Variants in LAMP1 observed in about 807,000 individuals in gnomAD.
LAMP1 encodes the protein lysosome-associated membrane glycoprotein 1.
A neutral mutation model predicts 37.5 loss-of-function variants in LAMP1; 7 were observed. The observed-to-expected ratio is 0.19, with a 90% CI of 0.11 to 0.35. The LOEUF (loss-of-function observed/expected upper bound fraction) is 0.35. Ranked by LOEUF, LAMP1 falls within the 10% of genes least tolerant of loss-of-function variation. The probability of loss-of-function intolerance (pLI) is 1.00; values close to 1 mark genes in which losing one functional copy is unlikely to be tolerated. For missense variants in LAMP1, 537 were observed against 552.8 expected (o/e 0.97, Z 0.29); for synonymous variants, 236 against 229.1 (o/e 1.03, Z -0.27).
chr13:113,323,246 TTTTTA>T lies in LAMP1; in HGVS notation c.*829_*833del, dbSNP rs2042716903. On this transcript the variant is annotated 3_prime_UTR_variant, in exon 9 of 9. Transcript: ENST00000332556. Reference sequence around the variant, plus strand: ...AATATAAAAATGGGTGTTATTTTTATTTTTATTTGTAAAGTGATTTTTGGTCTTCT... The same window carrying T: ...AATATAAAAATGGGTGTTATTTTTATTTTGTAAAGTGATTTTTGGTCTTCT... The T allele has an allele frequency of 7.3e-5, 10 of 136,558 alleles. No individual in the cohort carries two copies. The highest frequency in any genetic ancestry group is 7.2e-4 in the Admixed American group (10 of 13,892). The allele number at this position is 136,558 out of a possible 1,614,324, so 8.5% of individuals were successfully genotyped here. A position where few individuals can be genotyped will look rare whatever the true frequency, so the allele number is the denominator to read the frequency against.
chr13:113,321,341 T>A lies in LAMP1; in HGVS notation c.877-63T>A. 7.8e-7 allele frequency: 1 copy of A among 1,281,274 alleles called. No homozygotes were observed. Among genetic ancestry groups the A allele is most frequent in the Admixed American group, 1.7e-5 (1 of 59,534 alleles). The allele number at this position is 1,281,274 out of a possible 1,614,324, so 79.4% of individuals were successfully genotyped here. A position where few individuals can be genotyped will look rare whatever the true frequency, so the allele number is the denominator to read the frequency against. The stretch of plus-strand genomic sequence containing the variant: ...TTTGATGATAAATGTGTGAATCTAC[T>A]GGGGTTAAAGATCATCTTTCTATGA... On this transcript the variant is annotated intron_variant, in intron 6 of 8. Coordinates refer to ENST00000332556, the MANE Select transcript of LAMP1 (RefSeq NM_005561.4). The surrounding 1 kb of genome is among the most constrained non-coding windows in gnomAD (Gnocchi z 5.6).
At chr13:113,304,951 C>A (rs1284156495) in intron 1 of LAMP1, 1 of 152,166 alleles carries the variant, frequency 6.6e-6, no homozygotes, top group African/African-American at 2.4e-5. Flanking sequence ...AGCCACTGTG[C>A]CCGGCAGCAC....
At chr13:113,311,879 C>T (rs2042632530) in intron 4 of LAMP1, among the ~76,000 whole-genome samples, 1 of 152,222 alleles carries the variant, frequency 6.6e-6, no homozygotes, top group Non-Finnish European at 1.5e-5. Context: ...CCGAGCCTCA[C>T]AGTCCAGGTC....
At chr13:113,322,168 T>C (rs1030705104) in intron 8 of LAMP1, 114 bp from the exon 9 acceptor site, 1 of 1,239,250 alleles carries the variant, frequency 8.1e-7, no homozygotes, top group Non-Finnish European at 1.1e-6. Flanking sequence ...GCTGGAACCT[T>C]CCGCCAGGGT....
rs2042690896 is a variant in LAMP1, at chr13:113,320,321, G to T, written c.751-24G>T. The T allele has an allele frequency of 1.2e-6, 2 of 1,613,746 alleles. No homozygotes were observed. Among genetic ancestry groups the T allele is most frequent in the South Asian group, 2.2e-5 (2 of 91,060 alleles). On this transcript the variant is annotated intron_variant, in intron 5 of 8. Transcript: ENST00000332556. This position sits in a 1 kb window ranked among gnomAD's most constrained non-coding sequence, Gnocchi z 4.4. ...TGTGGAGGACCTGAGCTAGGGTGGT[G>T]ACTTGCTTGCTTGTCTTATGCAGAC...
intron 1 of LAMP1, among the ~76,000 whole-genome samples, chr13:113,303,875 A>T (rs1476149444): frequency 1.3e-5 from 2 of 152,188 alleles, no homozygotes; most frequent in African/African-American, 2.4e-5. Context: ...GAGGAGTTGG[A>T]GACCAGCCTG....
intron 4 of LAMP1, among the ~76,000 whole-genome samples, chr13:113,311,133 G>T (rs943197039): frequency 6.6e-6 from 1 of 152,152 alleles, no homozygotes; most frequent in African/African-American, 2.4e-5. Context: ...GTGGTCTCCC[G>T]TGGGAGCTAA....
intron 1 of LAMP1, chr13:113,305,974 G>A (rs1201676422): frequency 6.5e-6 from 1 of 153,400 alleles, no homozygotes; most frequent in Non-Finnish European, 1.5e-5. Flanking sequence ...TGGGCTTAGA[G>A]ATAACAATTC....
chr13:113,322,702 G>T lies in LAMP1; in HGVS notation c.*281G>T, dbSNP rs1167853490. 8.2e-5 allele frequency: 10 copies of T among 121,906 alleles called. No individual in the cohort carries two copies. The highest frequency in any genetic ancestry group is 3.4e-4 in the Admixed American group (4 of 11,708). The allele number at this position is 121,906 out of a possible 1,614,324, so 7.6% of individuals were successfully genotyped here. A position where few individuals can be genotyped will look rare whatever the true frequency, so the allele number is the denominator to read the frequency against. ...GGGTGCTCTCTCTGAGGGGGTGGGG[G>T]TGCCGCTGTCTCTGAGGGGTGGGGG... is the stretch of plus-strand genomic sequence containing the variant. On this transcript the variant is annotated 3_prime_UTR_variant, in exon 9 of 9. Transcript: ENST00000332556.
In LAMP1 at chr13:113,321,121, G is replaced by A. The variant is rs940257142; in HGVS notation, c.877-283G>A. 2.8e-5 allele frequency: 11 copies of A among 396,940 alleles called. No individual in the cohort carries two copies. The highest frequency in any genetic ancestry group is 7.7e-5 in the Admixed American group (2 of 26,118). The allele number at this position is 396,940 out of a possible 1,614,324, so 24.6% of individuals were successfully genotyped here. A position where few individuals can be genotyped will look rare whatever the true frequency, so the allele number is the denominator to read the frequency against. On this transcript the variant is annotated intron_variant, in intron 6 of 8. Transcript: ENST00000332556. The surrounding 1 kb of genome is among the most constrained non-coding windows in gnomAD (Gnocchi z 5.6). ...ACTTGAGCCCAGGAGTTAAGGTTGC[G>A]ATGAGCCGTGATCACTCCACTGCAC...
intron 4 of LAMP1, among the ~76,000 whole-genome samples, chr13:113,314,293 T>G (rs1379915686): frequency 4.3e-5 from 3 of 69,550 alleles, no homozygotes; most frequent in Non-Finnish European, 5.5e-5. Flanking sequence ...TGTGGAGATG[T>G]CGGTGTGCCT....
rs1475319537 is a variant in LAMP1, at chr13:113,322,399, A to C, written c.1232A>C (p.His411Pro). Reference protein sequence around the residue: ...IAYLVGRKRSHAGYQTI With the variant: ...IAYLVGRKRSPAGYQTI ...TACCTCGTCGGCAGGAAGAGGAGTC[A>C]CGCAGGCTACCAGACTATCTAGCCT... The change falls in exon 9 of 9, where the codon CAC (histidine) becomes CCC (proline). Residue 411 changes from histidine to proline, a missense_variant. By Grantham distance (77) the His-to-Pro change is moderately conservative (BLOSUM62 -2). Coordinates refer to ENST00000332556, the MANE Select transcript of LAMP1 (RefSeq NM_005561.4). 3.7e-6 allele frequency: 6 copies of C among 1,613,556 alleles called. No homozygotes were observed. Among genetic ancestry groups the C allele is most frequent in the Non-Finnish European group, 5.1e-6 (6 of 1,179,702 alleles).
In LAMP1 at chr13:113,321,991, C is replaced by A. The variant is rs1400956508; in HGVS notation, c.1114+264C>A. Reference sequence around the variant, plus strand: ...ACAGTGGTGGCGCTTCTCCCATGAACGTTGAATACAACACTGTCATCTGAT... The same window carrying A: ...ACAGTGGTGGCGCTTCTCCCATGAAAGTTGAATACAACACTGTCATCTGAT... On this transcript the variant is annotated intron_variant, in intron 8 of 8. Transcript: ENST00000332556. This position sits in a 1 kb window ranked among gnomAD's most constrained non-coding sequence, Gnocchi z 5.6. 3 of 587,478 alleles carry A rather than the reference C, an allele frequency of 5.1e-6. No individual in the cohort carries two copies. Among genetic ancestry groups the A allele is most frequent in the East Asian group, 5.7e-5 (2 of 35,164 alleles). The allele number at this position is 587,478 out of a possible 1,614,324, so 36.4% of individuals were successfully genotyped here.
intron 1 of LAMP1, among the ~76,000 whole-genome samples, chr13:113,301,340 G>T (rs1485059820): frequency 6.6e-6 from 1 of 151,958 alleles, no homozygotes; most frequent in African/African-American, 2.4e-5. Flanking sequence ...GAAATATACG[G>T]CCGGGCACGG....
chr13:113,301,554 C>T (rs767829924), intron 1 of LAMP1, among the ~76,000 whole-genome samples: 28 of 148,474 alleles, frequency 1.9e-4, no homozygotes, highest in South Asian at 4.3e-4. Flanking sequence ...GCCCGGGAGG[C>T]GGAGGTTGCA....
At chr13:113,298,734 G>GTAGT (rs1872481551) in intron 1 of LAMP1, among the ~76,000 whole-genome samples, 2 of 152,262 alleles carry the variant, frequency 1.3e-5, no homozygotes, top group African/African-American at 4.8e-5. Flanking sequence ...AGGGTCAGGT[G>GTAGT]TAGTTAATGA....
intron 4 of LAMP1, among the ~76,000 whole-genome samples, chr13:113,312,538 G>A (rs1283895532): frequency 6.6e-6 from 1 of 152,232 alleles, no homozygotes; most frequent in African/African-American, 2.4e-5. Flanking sequence ...AACCCCGGGT[G>A]TGACTGGGAC....
Position 113,320,387 on chromosome 13 carries a change from G to T in LAMP1, c.793G>T (p.Ala265Ser). The T allele has an allele frequency of 6.2e-7, 1 of 1,613,694 alleles. No homozygotes were observed. Residue 265 changes from alanine to serine, a missense_variant, in exon 6 of 9, where the codon GCC (alanine) becomes TCC (serine). Ala to Ser is a moderately conservative substitution (Grantham distance 99). Transcript: ENST00000332556. The surrounding 1 kb of genome is among the most constrained non-coding windows in gnomAD (Gnocchi z 4.4). ...CAACATCAACCCCAACAAGACCTCG[G>T]CCAGCGGGAGCTGCGGCGCCCACCT... ...LLNINPNKTS[A>S]SGSCGAHLVT...
chr13:113,314,871 A>T (rs1205536607), intron 4 of LAMP1, among the ~76,000 whole-genome samples: 2 of 80,566 alleles, frequency 2.5e-5, no homozygotes, highest in African/African-American at 5.1e-5. Context: ...TGGAGATGCC[A>T]GTGTGCCTGG....
Sources: allele counts gnomAD v4.1 joint callset (sites outside exome capture counted in the v4.1 genomes callset), GRCh38; gene constraint gnomAD v4.1.1; non-coding constraint Gnocchi (gnomAD v3.1); transcripts MANE v1.5; gene names NCBI Gene and HGNC (gene_info 2026-07-23, HGNC 2026-07-21).